The following MTFR1 variants were observed in gnomAD, a reference collection of about 807,000 sequenced individuals.
MTFR1 encodes the protein chondrocyte protein with a poly-proline region.
Under a neutral mutation model 38.8 loss-of-function variants are expected in MTFR1, and 28 were observed. That is an observed-to-expected ratio of 0.72 (90% CI 0.53 to 0.99). MTFR1 has a LOEUF of 0.99. Among genes scored for constraint, MTFR1 ranks in the 50% least tolerant of loss-of-function variants. MTFR1 has a pLI of 0.00. For missense variants in MTFR1, 358 were observed against 395.5 expected, an observed-to-expected ratio of 0.91 and a Z score of 0.81; for synonymous variants, 145 against 137.0, an observed-to-expected ratio of 1.06 and a Z score of -0.41.
chr8:65,735,670 C>G (rs1269712771), intron 3 of MTFR1, among the ~76,000 whole-genome samples: 2 of 152,070 alleles, frequency 1.3e-5, no homozygotes. Context: ...GTCACTCAGG[C>G]TGGAGTGCAA....
chr8:65,678,276 C>T (rs1397416885), intron 2 of MTFR1, among the ~76,000 whole-genome samples: 1 of 152,050 alleles, frequency 6.6e-6, no homozygotes, highest in African/African-American at 2.4e-5. Context: ...ACAATTTCTC[C>T]CCCTCTATGA....
chr8:65,715,333 C>T (rs954147207), downstream of MTFR1, among the ~76,000 whole-genome samples: 1 of 151,152 alleles, frequency 6.6e-6, no homozygotes, highest in Non-Finnish European at 1.5e-5. Flanking sequence ...CCCAAGAGTT[C>T]AAGACCAGCC....
intron 1 of MTFR1, among the ~76,000 whole-genome samples, chr8:65,658,307 CTTT>C (rs1045244443): frequency 2.0e-5 from 3 of 152,112 alleles, no homozygotes; most frequent in Non-Finnish European, 2.9e-5. Flanking sequence ...CTGCTGATAA[CTTT>C]TTATTATAAC....
rs548565746 is a variant in MTFR1 at position 65,710,020 on chromosome 8, G to T, written c.*976G>T. On this transcript the variant is annotated 3_prime_UTR_variant, in exon 8 of 8. Coordinates refer to ENST00000262146, the MANE Select transcript of MTFR1 (RefSeq NM_014637.4). Reference sequence around the variant, plus strand: ...ATATTACGCAACATAAACCATAGGTGTTATTAGAAGTGGAGAACTGCCTTT... The same window carrying T: ...ATATTACGCAACATAAACCATAGGTTTTATTAGAAGTGGAGAACTGCCTTT... 3.2e-4 allele frequency: 49 copies of T among 152,358 alleles called. No individual in the cohort carries two copies. Among genetic ancestry groups the T allele is most frequent in the African/African-American group, 1.2e-3 (48 of 41,572 alleles). The allele number at this position is 152,358 out of a possible 1,614,324, so 9.4% of individuals were successfully genotyped here. A position where few individuals can be genotyped will look rare whatever the true frequency, so the allele number is the denominator to read the frequency against.
chr8:65,734,745 A>G lies in MTFR1; in HGVS notation c.*48+15264A>G, dbSNP rs757018039. Reference sequence around the variant, plus strand: ...AGGAGAAGTATGTGAAAGTAAATCAAAAGGAATTTTCTTATGATTTTCACC... The same window carrying G: ...AGGAGAAGTATGTGAAAGTAAATCAGAAGGAATTTTCTTATGATTTTCACC... On this transcript the variant is annotated intron_variant, in intron 3 of 3. Transcript: ENST00000521247. 4 of 1,045,354 alleles carry G rather than the reference A, an allele frequency of 3.8e-6. No individual in the cohort carries two copies. In the Admixed American group the frequency reaches 5.3e-5, roughly 14 times the overall value. The allele number at this position is 1,045,354 out of a possible 1,614,324, so 64.8% of individuals were successfully genotyped here. A position where few individuals can be genotyped will look rare whatever the true frequency, so the allele number is the denominator to read the frequency against.
chr8:65,667,360 A>T (rs1804413173), intron 1 of MTFR1, among the ~76,000 whole-genome samples: 1 of 150,460 alleles, frequency 6.6e-6, no homozygotes, highest in Non-Finnish European at 1.5e-5. Flanking sequence ...TTTTTTTTAC[A>T]GCTTTTCAAA....
intron 3 of MTFR1, chr8:65,724,630 G>A: frequency 1.5e-6 from 1 of 675,386 alleles, no homozygotes. Flanking sequence ...ATCTCCTTTT[G>A]GAAGGAGTGT....
chr8:65,708,342 T>A lies in MTFR1; in HGVS notation c.933+331T>A, dbSNP rs1008034599. 32 of 377,790 alleles carry A rather than the reference T, an allele frequency of 8.5e-5. 1 individual carries two copies. Among genetic ancestry groups the A allele is most frequent in the Admixed American group, 2.9e-4 (7 of 24,456 alleles). The allele number at this position is 377,790 out of a possible 1,614,324, so 23.4% of individuals were successfully genotyped here. A position where few individuals can be genotyped will look rare whatever the true frequency, so the allele number is the denominator to read the frequency against. ...CCAATGTTACATTTTCTATGCAGGG[T>A]TATATTTTTATTTAAGCATAGTGAA... On this transcript the variant is annotated intron_variant, in intron 7 of 7. Coordinates refer to ENST00000262146, the MANE Select transcript of MTFR1 (RefSeq NM_014637.4).
chr8:65,700,367 G>A (rs28413643), intron 4 of MTFR1, among the ~76,000 whole-genome samples: 24,332 of 135,294 alleles, frequency 0.18, 2,323 homozygotes, highest in Middle Eastern at 0.24. Context: ...AAAAAAAAAA[G>A]AAAAAAGAAA....
At chr8:65,775,226 A>G (rs183451689), downstream of MTFR1, among the ~76,000 whole-genome samples, 1 of 152,282 alleles carries the variant, frequency 6.6e-6, no homozygotes, top group East Asian at 1.9e-4. Context: ...GCAAACAACC[A>G]GCTCTTAGTT....
At chr8:65,673,050 G>A (rs1039417037) in intron 2 of MTFR1, among the ~76,000 whole-genome samples, 1 of 152,160 alleles carries the variant, frequency 6.6e-6, no homozygotes, top group Non-Finnish European at 1.5e-5. Flanking sequence ...TTGGGCCAGA[G>A]ACCTAGTTTT....
intron 1 of MTFR1, among the ~76,000 whole-genome samples, chr8:65,668,428 TC>T: frequency 6.6e-6 from 1 of 150,962 alleles, no homozygotes; most frequent in East Asian, 1.9e-4. Flanking sequence ...CCTCAAGTGA[TC>T]CGCCCGCCTC....
In MTFR1 at chr8:65,709,096, C is replaced by T. The variant is rs758268477; in HGVS notation, c.*52C>T. The T allele has an allele frequency of 2.0e-6, 3 of 1,533,666 alleles. No individual in the cohort carries two copies. The highest frequency in any genetic ancestry group is 2.7e-6 in the Non-Finnish European group (3 of 1,107,460). On this transcript the variant is annotated 3_prime_UTR_variant, in exon 8 of 8. Coordinates refer to ENST00000262146, the MANE Select transcript of MTFR1 (RefSeq NM_014637.4). ...TGGTTCCCCTGTTGATTTGTGAGGGCCAAGTTTGCTAGTAGAAATCGACAC... is the reference window on the plus strand; with the variant it reads ...TGGTTCCCCTGTTGATTTGTGAGGGTCAAGTTTGCTAGTAGAAATCGACAC...
chr8:65,685,769 A>T (rs1805052326), intron 3 of MTFR1, among the ~76,000 whole-genome samples: 1 of 152,262 alleles, frequency 6.6e-6, no homozygotes, highest in South Asian at 2.1e-4. Flanking sequence ...TAATAAAGGT[A>T]TAATTATCAT....
chr8:65,723,392 A>G, intron 3 of MTFR1: 1 of 713,314 alleles, frequency 1.4e-6, no homozygotes, highest in Non-Finnish European at 2.0e-6. Context: ...AAGAGCCATA[A>G]CAAGGGAAAA....
At chr8:65,727,821 C>G (rs1383721937) in intron 3 of MTFR1, 3 of 152,244 alleles carry the variant, frequency 2.0e-5, no homozygotes, top group Non-Finnish European at 4.4e-5. Context: ...AAGTCTATGT[C>G]AAGTCTGTGA....
At chr8:65,708,947 CTTTA>C (rs1324137193) in intron 7 of MTFR1, 25 bp from the exon 8 acceptor site, 3 of 1,608,078 alleles carry the variant, frequency 1.9e-6, no homozygotes, top group Non-Finnish European at 1.7e-6. Flanking sequence ...GAACCAATAT[CTTTA>C]TTTATACTTT....
At chr8:65,689,504 A>G in intron 3 of MTFR1, 4 of 1,043,348 alleles carry the variant, frequency 3.8e-6, no homozygotes, top group Non-Finnish European at 5.1e-6. Context: ...TCTGAATGAA[A>G]TGTGATTTTG....
At chr8:65,708,475 C>T (rs1805850842) in intron 7 of MTFR1, 1 of 290,884 alleles carries the variant, frequency 3.4e-6, no homozygotes, top group Non-Finnish European at 6.6e-6. Context: ...AAGAGGGTGA[C>T]ATTTGATGTG....
Sources: allele counts gnomAD v4.1 joint callset (sites outside exome capture counted in the v4.1 genomes callset), GRCh38; gene constraint gnomAD v4.1.1; transcripts MANE v1.5; gene names NCBI Gene and HGNC (gene_info 2026-07-23, HGNC 2026-07-21).